Variants in PTPRD observed in about 807,000 individuals in gnomAD.
The protein encoded by PTPRD is receptor-type tyrosine-protein phosphatase delta.
A neutral mutation model predicts 214.5 loss-of-function variants in PTPRD; 34 were observed. That is an observed-to-expected ratio of 0.16 (90% CI 0.12 to 0.21). The LOEUF (loss-of-function observed/expected upper bound fraction) is 0.21. Ranked by LOEUF, PTPRD falls within the 10% of genes least tolerant of loss-of-function variation. The pLI, the probability that PTPRD is intolerant of heterozygous loss-of-function variation, is 1.00. For missense variants in PTPRD, 2,545 were observed against 2,398.7 expected, an observed-to-expected ratio of 1.06 and a Z score of -1.27; for synonymous variants, 1,128 against 845.7, an observed-to-expected ratio of 1.33 and a Z score of -5.79.
intron 9 of PTPRD, among the ~76,000 whole-genome samples, chr9:9,208,379 T>A (rs1186564751): frequency 5.3e-5 from 8 of 151,986 alleles, no homozygotes; most frequent in Non-Finnish European, 1.2e-4. Context: ...TTAAAAGTTG[T>A]TTCTAAAGAG....
At chr9:10,569,479 C>T (rs576168598) in intron 2 of PTPRD, among the ~76,000 whole-genome samples, 67 of 151,764 alleles carry the variant, frequency 4.4e-4, no homozygotes, top group African/African-American at 1.6e-3. Context: ...TACTAAAATT[C>T]ATCCTGTATA....
chr9:8,648,291 C>T (rs952369575), intron 12 of PTPRD, among the ~76,000 whole-genome samples: 6 of 152,146 alleles, frequency 3.9e-5, no homozygotes, highest in African/African-American at 1.4e-4. Context: ...ATGACAAAAA[C>T]AATCACCTAC....
intron 5 of PTPRD, among the ~76,000 whole-genome samples, chr9:9,780,907 A>G (rs2098837812): frequency 6.6e-6 from 1 of 152,224 alleles, no homozygotes; most frequent in Non-Finnish European, 1.5e-5. Context: ...TGAATAACAA[A>G]TGACTGAGTG....
chr9:8,459,885 A>G (rs1373429457), intron 33 of PTPRD, among the ~76,000 whole-genome samples: 1 of 152,104 alleles, frequency 6.6e-6, no homozygotes, highest in Non-Finnish European at 1.5e-5. Flanking sequence ...TTCATTCTCC[A>G]TCCTTCTCTT....
intron 11 of PTPRD, among the ~76,000 whole-genome samples, chr9:8,970,032 C>T (rs192268774): frequency 1.3e-5 from 2 of 151,930 alleles, no homozygotes; most frequent in East Asian, 1.9e-4. Flanking sequence ...TTGTGAGATA[C>T]AGGAAATTGG....
intron 12 of PTPRD, among the ~76,000 whole-genome samples, chr9:8,674,127 A>T (rs1402966333): frequency 6.6e-6 from 1 of 152,098 alleles, no homozygotes; most frequent in Non-Finnish European, 1.5e-5. Flanking sequence ...AGACACACAC[A>T]CACATATACG....
intron 5 of PTPRD, among the ~76,000 whole-genome samples, chr9:9,914,208 T>A (rs1393013454): frequency 3.9e-5 from 6 of 152,164 alleles, no homozygotes; most frequent in Non-Finnish European, 8.8e-5. Context: ...AGCAGCTATG[T>A]TCCTGCATTC....
At chr9:9,721,229 A>T (rs2097936482) in intron 7 of PTPRD, among the ~76,000 whole-genome samples, 1 of 152,204 alleles carries the variant, frequency 6.6e-6, no homozygotes, top group South Asian at 2.1e-4. Context: ...TCTTCAAGAC[A>T]TCTCAGATTT....
At chr9:8,765,510 G>T (rs922151007) in intron 11 of PTPRD, among the ~76,000 whole-genome samples, 1 of 152,116 alleles carries the variant, frequency 6.6e-6, no homozygotes, top group Non-Finnish European at 1.5e-5. Flanking sequence ...GGTTAGAAGC[G>T]GGTATTATCA....
intron 44 of PTPRD, among the ~76,000 whole-genome samples, chr9:8,323,639 A>C (rs927324858): frequency 4.6e-5 from 7 of 152,208 alleles, no homozygotes; most frequent in African/African-American, 1.7e-4. Context: ...AAGTGGAGCC[A>C]GGAGATGGGA....
At chr9:10,598,347 G>T (rs1325116739) in intron 2 of PTPRD, among the ~76,000 whole-genome samples, 1 of 151,740 alleles carries the variant, frequency 6.6e-6, no homozygotes, top group East Asian at 1.9e-4. Context: ...ATAAAACTCT[G>T]CTCATGATTT....
At chr9:8,581,930 A>AAAAAAAAAAAAAAAAAAAAAAAAAAAAG (rs2093177446) in intron 14 of PTPRD, among the ~76,000 whole-genome samples, 1 of 148,594 alleles carries the variant, frequency 6.7e-6, no homozygotes, top group Non-Finnish European at 1.5e-5. Context: ...AAAAAAAAAA[A>AAAAAAAAAAAAAAAAAAAAAAAAAAAAG]AAAAAAAAAA....
chr9:9,125,358 T>C (rs1008392981), intron 10 of PTPRD, among the ~76,000 whole-genome samples: 2 of 152,190 alleles, frequency 1.3e-5, no homozygotes, highest in East Asian at 3.9e-4. Flanking sequence ...AGACATACTG[T>C]GAGAATTACC....
chr9:9,079,406 A>T (rs1302226329), intron 10 of PTPRD, among the ~76,000 whole-genome samples: 1 of 152,102 alleles, frequency 6.6e-6, no homozygotes, highest in Non-Finnish European at 1.5e-5. Flanking sequence ...GCTGAATAAT[A>T]TTCCATTTTG....
In PTPRD at chr9:10,058,784, C is replaced by T. The variant is rs570086331; in HGVS notation, c.-544-24994G>A. 6.6e-5 allele frequency among the ~76,000 whole-genome samples: 10 copies of T among 152,140 alleles called. No individual in the cohort carries two copies. The South Asian group carries it at 8.3e-4, about 13-fold the overall frequency. On this transcript the variant is annotated intron_variant, in intron 3 of 45. Coordinates refer to ENST00000381196, the MANE Select transcript of PTPRD (RefSeq NM_002839.4). Reference sequence around the variant, plus strand: ...AGTCACAGCACCTATATTTCCCAGGCGCTGGATAGGCACCATTGTTTTTTT... The same window carrying T: ...AGTCACAGCACCTATATTTCCCAGGTGCTGGATAGGCACCATTGTTTTTTT...
intron 5 of PTPRD, among the ~76,000 whole-genome samples, chr9:9,790,225 T>C (rs1445409104): frequency 6.6e-6 from 1 of 152,180 alleles, no homozygotes; most frequent in African/African-American, 2.4e-5. Context: ...TTTCTTGATG[T>C]ATTGTCTTGG....
intron 3 of PTPRD, among the ~76,000 whole-genome samples, chr9:10,204,093 G>A (rs1241274961): frequency 1.3e-5 from 2 of 151,978 alleles, no homozygotes; most frequent in African/African-American, 4.8e-5. Flanking sequence ...CTAAATCTCT[G>A]GCTTTCTAGG....
intron 2 of PTPRD, among the ~76,000 whole-genome samples, chr9:10,554,798 C>T (rs1019084014): frequency 7.2e-5 from 11 of 152,164 alleles, no homozygotes; most frequent in Non-Finnish European, 1.0e-4. Context: ...GTAGCTGGGA[C>T]TACAGGCGCC....
intron 3 of PTPRD, among the ~76,000 whole-genome samples, chr9:10,286,756 G>C (rs1596197281): frequency 6.6e-6 from 1 of 151,918 alleles, no homozygotes; most frequent in Non-Finnish European, 1.5e-5. Context: ...CCAAGACCAA[G>C]CCCGACTAAT....
Sources: gnomAD v4.1 joint callset for allele counts (sites outside exome capture counted in the v4.1 genomes callset) on GRCh38, gnomAD v4.1.1 for gene constraint, MANE v1.5 for transcripts, NCBI Gene and HGNC (gene_info 2026-07-23, HGNC 2026-07-21) for gene names.